The following MBTPS1 variants were observed in gnomAD, a reference collection of about 807,000 sequenced individuals.
MBTPS1 encodes membrane bound transcription factor peptidase, site 1.
Under a neutral mutation model 127.8 loss-of-function variants are expected in MBTPS1, and 94 were observed. The ratio of observed to expected loss-of-function variants is 0.74; its 90% confidence interval spans 0.62 to 0.87. The LOEUF (loss-of-function observed/expected upper bound fraction) is 0.87, where lower values mean the gene tolerates loss of function less well. Ranked by LOEUF, MBTPS1 falls within the 40% of genes least tolerant of loss-of-function variation. The pLI is 0.00. For missense variants in MBTPS1, 1,636 were observed against 1,353.2 expected (o/e 1.21, Z -3.28); for synonymous variants, 632 against 509.4 (o/e 1.24, Z -3.24).
chr16:84,091,210 G>T (rs1032463075), intron 7 of MBTPS1, among the ~76,000 whole-genome samples: 1 of 152,182 alleles, frequency 6.6e-6, no homozygotes, highest in African/African-American at 2.4e-5. Context: ...AATTGGCAGG[G>T]CATGGTGGCT....
chr16:84,091,258 G>A (rs1270789068), intron 7 of MBTPS1, among the ~76,000 whole-genome samples: 1 of 152,118 alleles, frequency 6.6e-6, no homozygotes, highest in Non-Finnish European at 1.5e-5. Flanking sequence ...GGCTGAGGTG[G>A]GTGGATCACC....
At chr16:84,054,695 T>A (rs765066161) in intron 22 of MBTPS1, 50 bp from the exon 23 acceptor site, 2 of 1,415,888 alleles carry the variant, frequency 1.4e-6, no homozygotes, top group African/African-American at 2.9e-5. Context: ...AGAGCTACCA[T>A]GACGGCCTTT....
intron 11 of MBTPS1, chr16:84,075,781 T>C (rs1489310533): frequency 1.3e-5 from 2 of 152,366 alleles, no homozygotes; most frequent in African/African-American, 4.8e-5. Flanking sequence ...CAGGCAGTTA[T>C]AATCAACACA....
intron 1 of MBTPS1, among the ~76,000 whole-genome samples, chr16:84,116,126 A>G (rs1021101357): frequency 8.5e-5 from 13 of 152,328 alleles, no homozygotes; most frequent in Admixed American, 2.0e-4. Context: ...ATCAGAATCT[A>G]ATAACTTAAT....
chr16:84,073,670 C>T (rs1363402881), intron 12 of MBTPS1, among the ~76,000 whole-genome samples: 1 of 146,782 alleles, frequency 6.8e-6, no homozygotes, highest in African/African-American at 2.5e-5. Flanking sequence ...ATTTACAAAA[C>T]AATATTAAAA....
intron 1 of MBTPS1, among the ~76,000 whole-genome samples, chr16:84,112,009 T>C (rs1032076816): frequency 2.0e-5 from 3 of 152,030 alleles, no homozygotes; most frequent in African/African-American, 7.2e-5. Context: ...AAGACCAGCC[T>C]GGCCAACATA....
At chr16:84,111,024 T>G (rs34494585) in intron 1 of MBTPS1, among the ~76,000 whole-genome samples, 36,708 of 152,122 alleles carry the variant, frequency 0.24, 5,173 homozygotes, top group East Asian at 0.36. Context: ...TGCAGTAGGC[T>G]GAAAAATGGT....
chr16:84,056,310 T>C (rs148761916), intron 21 of MBTPS1, 175 bp from the exon 22 acceptor site: 9,742 of 559,036 alleles, frequency 0.017, 177 homozygotes, highest in Non-Finnish European at 0.02. Flanking sequence ...GGTGGCCGTT[T>C]CCACGTCCCG....
intron 2 of MBTPS1, among the ~76,000 whole-genome samples, chr16:84,100,255 G>A (rs1281829594): frequency 6.6e-6 from 1 of 151,758 alleles, no homozygotes; most frequent in Non-Finnish European, 1.5e-5. Flanking sequence ...AAAAAAATTA[G>A]CTGGGCAGGC....
chr16:84,056,239 CG>C, intron 21 of MBTPS1, 104 bp from the exon 22 acceptor site: 3 of 962,962 alleles, frequency 3.1e-6, no homozygotes, highest in Middle Eastern at 6.0e-4. Flanking sequence ...AAGTGATCTA[CG>C]GGGAGATGTG....
intron 18 of MBTPS1, among the ~76,000 whole-genome samples, chr16:84,065,104 A>G (rs1392241295): frequency 4.6e-5 from 7 of 151,750 alleles, no homozygotes; most frequent in Admixed American, 4.6e-4. Flanking sequence ...AAAATTCATC[A>G]AGTAACCTTG....
At chr16:84,101,536 G>A (rs2086255374) in intron 2 of MBTPS1, 85 bp downstream of exon 2, 3 of 1,120,728 alleles carry the variant, frequency 2.7e-6, no homozygotes, top group African/African-American at 1.6e-5. Context: ...AGAGGAACAT[G>A]TTATTCAGCA....
intron 16 of MBTPS1, among the ~76,000 whole-genome samples, chr16:84,067,105 C>T (rs1038673467): frequency 5.9e-5 from 9 of 151,950 alleles, no homozygotes; most frequent in African/African-American, 2.2e-4. Context: ...TTTAAATATA[C>T]AATAATTTAC....
Position 84,074,709 on chromosome 16 carries a change from C to T in MBTPS1, c.1481G>A (p.Cys494Tyr). 6.2e-7 allele frequency: 1 copy of T among 1,614,094 alleles called. No individual in the cohort carries two copies. The highest frequency in any genetic ancestry group is 8.5e-7 in the Non-Finnish European group (1 of 1,179,978). ...LSPSYIDLTE[C>Y]PYMWPYCSQP... is the part of the protein sequence containing the mutation. ...GGAGCAGTAGGGCCACATGTAGGGA[C>T]ACTCAGTCAGATCTATGTAGCTGGG... Residue 494 changes from cysteine (C) to tyrosine (Y), a missense_variant, in exon 12 of 23, where the codon TGT (cysteine) becomes TAT (tyrosine). Cys to Tyr is a radical substitution (Grantham distance 194, BLOSUM62 -2). Coordinates refer to ENST00000343411, the MANE Select transcript of MBTPS1 (RefSeq NM_003791.4).
Position 84,068,274 on chromosome 16 carries a change from A to G in MBTPS1, c.2071+65T>C, listed in dbSNP as rs2085718819. 1.1e-5 allele frequency: 12 copies of G among 1,115,572 alleles called. No individual in the cohort carries two copies. In the South Asian group the frequency reaches 1.5e-4, roughly 14 times the overall value. 69.1% of individuals were successfully genotyped at this position (1,115,572 alleles called of 1,614,324 possible). A position where few individuals can be genotyped will look rare whatever the true frequency, so the allele number is the denominator to read the frequency against. ...CACTGAAAACTGGGATTCACTCCTC[A>G]GACATTTAACAAACATCCAAAGTGG... On this transcript the variant is annotated intron_variant, in intron 15 of 22. Coordinates refer to ENST00000343411, the MANE Select transcript of MBTPS1 (RefSeq NM_003791.4).
At chr16:84,056,231 G>C in intron 21 of MBTPS1, 96 bp from the exon 22 acceptor site, 1 of 1,032,656 alleles carries the variant, frequency 9.7e-7, no homozygotes, top group Non-Finnish European at 1.4e-6. Flanking sequence ...GACAGAGCAA[G>C]TGATCTACGG....
Position 84,101,673 on chromosome 16 carries a change from G to C in MBTPS1, c.111C>G (p.Gly37=), listed in dbSNP as rs144655356. 225 of 1,614,012 alleles carry C rather than the reference G, an allele frequency of 1.4e-4. No homozygotes were observed. The highest frequency in any genetic ancestry group is 1.8e-4 in the Non-Finnish European group (218 of 1,179,984). ...KKSFEKAPCP[G]CSHLTLKVEF... is the part of the protein sequence containing the mutation. ...CCACCTTCAAAGTCAGGTGGGAACA[G>C]CCAGGGCATGGGGCCTTTTCAAAAG... Residue 37 remains glycine, a synonymous_variant, in exon 2 of 23, where the codon GGC becomes GGG. Transcript: ENST00000343411.
intron 12 of MBTPS1, among the ~76,000 whole-genome samples, chr16:84,071,600 CAATT>C (rs1213156984): frequency 1.3e-5 from 2 of 151,988 alleles, no homozygotes; most frequent in Admixed American, 6.6e-5. Flanking sequence ...ACAGATGAAA[CAATT>C]AAATATTTAA....
chr16:84,086,265 G>A (rs1233531150), intron 9 of MBTPS1: 2 of 152,180 alleles, frequency 1.3e-5, no homozygotes, highest in African/African-American at 4.8e-5. Context: ...TGGTGAAAGC[G>A]TTTACACGGG....
Sources: allele counts gnomAD v4.1 joint callset (sites outside exome capture counted in the v4.1 genomes callset), GRCh38; gene constraint gnomAD v4.1.1; transcripts MANE v1.5; gene names NCBI Gene and HGNC (gene_info 2026-07-23, HGNC 2026-07-21).